The following CDH12 variants were observed in gnomAD, a reference collection of about 807,000 sequenced individuals.
CDH12 encodes the protein cadherin-12.
Under a neutral mutation model 74.1 loss-of-function variants are expected in CDH12, and 41 were observed. That is an observed-to-expected ratio of 0.55 (90% confidence interval 0.43 to 0.72). The LOEUF (loss-of-function observed/expected upper bound fraction) is 0.72. Among genes scored for constraint, CDH12 ranks in the 30% least tolerant of loss-of-function variants. CDH12 has a pLI of 0.00. For synonymous variants in CDH12, 399 were observed against 355.0 expected, an observed-to-expected ratio of 1.12 and a Z score of -1.39; for missense variants, 945 against 977.2, an observed-to-expected ratio of 0.97 and a Z score of 0.44.
intron 4 of CDH12, among the ~76,000 whole-genome samples, chr5:22,085,012 C>T (rs1936478925): frequency 6.6e-6 from 1 of 152,054 alleles, no homozygotes; most frequent in African/African-American, 2.4e-5. Flanking sequence ...AAGGACATCA[C>T]CAGAAGTAGG....
At chr5:22,272,358 T>C (rs1232322114) in intron 3 of CDH12, among the ~76,000 whole-genome samples, 2 of 152,222 alleles carry the variant, frequency 1.3e-5, no homozygotes, top group Non-Finnish European at 2.9e-5. Context: ...GGGAATGTTG[T>C]GGCTGGTTTT....
intron 4 of CDH12, among the ~76,000 whole-genome samples, chr5:22,162,816 C>G (rs1748437480): frequency 6.6e-6 from 1 of 151,746 alleles, no homozygotes. Flanking sequence ...TTTCCCTTAC[C>G]TAGCTCTCAA....
At chr5:22,428,025 T>A (rs1744013392) in intron 2 of CDH12, among the ~76,000 whole-genome samples, 1 of 152,210 alleles carries the variant, frequency 6.6e-6, no homozygotes, top group Non-Finnish European at 1.5e-5. Context: ...AGTGTTTACT[T>A]AACTGGACCC....
chr5:22,155,201 C>G (rs1200330226), intron 4 of CDH12, among the ~76,000 whole-genome samples: 1 of 152,030 alleles, frequency 6.6e-6, no homozygotes, highest in Non-Finnish European at 1.5e-5. Context: ...AAATTGTGCT[C>G]TATTTTAAGG....
Position 21,978,836 on chromosome 5 carries a change from A to G in CDH12, c.232-3451T>C, listed in dbSNP as rs1407743771. Among the ~76,000 whole-genome samples the G allele has an allele frequency of 2.6e-5, 4 of 152,112 alleles. No homozygotes were observed. The East Asian group carries it at 7.7e-4, about 29-fold the overall frequency. ...AGGCAACTGTCAAGACTAAAGCTAT[A>G]ATAATTTTTATGAATCTTAGAAAAT... is the stretch of plus-strand genomic sequence containing the variant. On this transcript the variant is annotated intron_variant, in intron 5 of 14. Coordinates refer to ENST00000382254, the MANE Select transcript of CDH12 (RefSeq NM_004061.5).
chr5:22,470,480 G>A (rs1580682734), intron 2 of CDH12, among the ~76,000 whole-genome samples: 1 of 151,460 alleles, frequency 6.6e-6, no homozygotes, highest in Non-Finnish European at 1.5e-5. Context: ...AAACAGTGGC[G>A]TGATCATAGC....
At chr5:22,168,101 T>C (rs975743051) in intron 4 of CDH12, among the ~76,000 whole-genome samples, 3 of 152,172 alleles carry the variant, frequency 2.0e-5, no homozygotes, top group African/African-American at 7.2e-5. Context: ...TATTTTTCTT[T>C]CTTTTCTCTT....
chr5:22,001,804 T>G (rs2150144491), intron 5 of CDH12, among the ~76,000 whole-genome samples: 1 of 152,176 alleles, frequency 6.6e-6, no homozygotes, highest in Non-Finnish European at 1.5e-5. Context: ...CAGAAACTGG[T>G]TTACGATCAT....
intron 6 of CDH12, among the ~76,000 whole-genome samples, chr5:21,908,599 G>T (rs1268705197): frequency 2.0e-5 from 3 of 152,142 alleles, no homozygotes; most frequent in Non-Finnish European, 4.4e-5. Flanking sequence ...GCCTGTTTGG[G>T]TCATATCTCT....
intron 2 of CDH12, among the ~76,000 whole-genome samples, chr5:22,418,332 T>C (rs1372934826): frequency 6.6e-6 from 1 of 152,028 alleles, no homozygotes; most frequent in African/African-American, 2.4e-5. Flanking sequence ...CTTATCAGCT[T>C]AAGGAGATTT....
rs946882411 is a variant in CDH12 at position 21,859,196 on chromosome 5, G to A, written c.527-4406C>T. ...CTGCTATGAAGAAATACCAGAGGCT[G>A]GGTCATTCATAAAGAAAAAAGGTTT... On this transcript the variant is annotated intron_variant, in intron 6 of 14. Coordinates refer to ENST00000382254, the MANE Select transcript of CDH12 (RefSeq NM_004061.5). Among the ~76,000 whole-genome samples the A allele has an allele frequency of 6.6e-5, 10 of 151,952 alleles. No individual in the cohort carries two copies. In the South Asian group the frequency reaches 2.1e-3, roughly 32 times the overall value.
At chr5:21,873,755 G>A (rs1751772223) in intron 6 of CDH12, among the ~76,000 whole-genome samples, 1 of 152,118 alleles carries the variant, frequency 6.6e-6, no homozygotes, top group Admixed American at 6.6e-5. Context: ...AGCCCAACAT[G>A]CATTAGCTAT....
chr5:22,637,590 G>A (rs893816708), intron 1 of CDH12, among the ~76,000 whole-genome samples: 2 of 152,326 alleles, frequency 1.3e-5, no homozygotes, highest in South Asian at 2.1e-4. Context: ...GCAAAATGGC[G>A]CAGATTGCGC....
chr5:22,690,057 G>C (rs1042106388), intron 1 of CDH12, among the ~76,000 whole-genome samples: 1 of 152,008 alleles, frequency 6.6e-6, no homozygotes, highest in African/African-American at 2.4e-5. Context: ...TTCTGAAAGT[G>C]GATTGAAAGA....
At chr5:22,028,340 A>C (rs1424865416) in intron 5 of CDH12, among the ~76,000 whole-genome samples, 1 of 152,144 alleles carries the variant, frequency 6.6e-6, no homozygotes, top group African/African-American at 2.4e-5. Flanking sequence ...TGCAGATGAC[A>C]TGATTGTATA....
At chr5:22,138,682 G>A (rs1746596035) in intron 4 of CDH12, among the ~76,000 whole-genome samples, 1 of 149,694 alleles carries the variant, frequency 6.7e-6, no homozygotes, top group Admixed American at 6.7e-5. Context: ...ATATCTGCAG[G>A]ATCTTAATTT....
At chr5:22,815,854 A>C (rs1380936697) in intron 1 of CDH12, among the ~76,000 whole-genome samples, 1 of 151,912 alleles carries the variant, frequency 6.6e-6, no homozygotes, top group Admixed American at 6.6e-5. Context: ...TAAGGGGAAA[A>C]TACATGTAAA....
At chr5:22,679,185 C>T (rs1318953639) in intron 1 of CDH12, among the ~76,000 whole-genome samples, 1 of 152,076 alleles carries the variant, frequency 6.6e-6, no homozygotes. Context: ...ATTCTTATCA[C>T]CACTAAACTT....
intron 6 of CDH12, among the ~76,000 whole-genome samples, chr5:21,877,798 C>G (rs1752018189): frequency 6.6e-6 from 1 of 152,200 alleles, no homozygotes; most frequent in Non-Finnish European, 1.5e-5. Context: ...CATGCTAAGT[C>G]TACAGAAGAG....
Sources: gnomAD v4.1 joint callset for allele counts (sites outside exome capture counted in the v4.1 genomes callset) on GRCh38, gnomAD v4.1.1 for gene constraint, MANE v1.5 for transcripts, NCBI Gene and HGNC (gene_info 2026-07-23, HGNC 2026-07-21) for gene names.